The following GALNT13 variants were observed in gnomAD, a reference collection of about 807,000 sequenced individuals.
GALNT13 encodes UDP-GalNAc:polypeptide N-acetylgalactosaminyltransferase 13.
A neutral mutation model predicts 64.2 loss-of-function variants in GALNT13; 28 were observed. The observed-to-expected ratio is 0.44, with a 90% CI of 0.32 to 0.60. GALNT13 has a LOEUF of 0.60. Ranked by LOEUF, GALNT13 falls within the 20% of genes least tolerant of loss-of-function variation. The probability of loss-of-function intolerance (pLI) is 0.05; values close to 1 mark genes in which losing one functional copy is unlikely to be tolerated. For missense variants in GALNT13, 577 were observed against 669.8 expected, an observed-to-expected ratio of 0.86 and a Z score of 1.53; for synonymous variants, 214 against 224.6, an observed-to-expected ratio of 0.95 and a Z score of 0.42.
chr2:153,893,185 C>G (rs1285522091), intron 1 of GALNT13, among the ~76,000 whole-genome samples: 1 of 152,138 alleles, frequency 6.6e-6, no homozygotes, highest in Non-Finnish European at 1.5e-5. Flanking sequence ...AGATTAGACA[C>G]TGGCGAGGCA....
the GALNT13 span, among the ~76,000 whole-genome samples, chr2:153,146,024 G>A: frequency 1.3e-5 from 2 of 151,748 alleles, no homozygotes; most frequent in Non-Finnish European, 2.9e-5. Flanking sequence ...TGAGATGAAG[G>A]GAATTTCCTG....
the GALNT13 span, among the ~76,000 whole-genome samples, chr2:153,346,764 A>T: frequency 6.6e-6 from 1 of 152,216 alleles, no homozygotes; most frequent in African/African-American, 2.4e-5. Context: ...AAATGTTTTC[A>T]GTCCTCTACA....
chr2:153,676,094 A>C, the GALNT13 span, among the ~76,000 whole-genome samples: 1 of 152,142 alleles, frequency 6.6e-6, no homozygotes, highest in Non-Finnish European at 1.5e-5. Flanking sequence ...TTGAAAGATC[A>C]ACTAAGATTG....
At chr2:154,300,601 T>C (rs1693387331) in intron 8 of GALNT13, among the ~76,000 whole-genome samples, 1 of 151,778 alleles carries the variant, frequency 6.6e-6, no homozygotes, top group African/African-American at 2.4e-5. Flanking sequence ...ATGTATAGTA[T>C]TGTGTGTATG....
intron 3 of GALNT13, among the ~76,000 whole-genome samples, chr2:153,963,729 CTCTGTGTGTGTGTGTGTGTGTGTGTGTG>C (rs1489959512): frequency 6.0e-5 from 7 of 117,240 alleles, no homozygotes; most frequent in African/African-American, 2.4e-4. Context: ...CTCTCTCTCT[CTCTGTGTGTGTGTGTGTGTGTGTGTGTG>C]TGTGTGTGTG....
At chr2:153,664,700 T>G in the GALNT13 span, among the ~76,000 whole-genome samples, 2 of 152,310 alleles carry the variant, frequency 1.3e-5, no homozygotes, top group South Asian at 4.1e-4. Context: ...AAGTATTAAT[T>G]TGGGGAACTA....
chr2:153,080,903 ATTC>A, the GALNT13 span, among the ~76,000 whole-genome samples: 5 of 151,786 alleles, frequency 3.3e-5, no homozygotes, highest in East Asian at 9.7e-4. Context: ...TTTGTTTTGA[ATTC>A]TTCCTTTTCA....
the GALNT13 span, among the ~76,000 whole-genome samples, chr2:153,829,472 C>T: frequency 6.6e-6 from 1 of 152,094 alleles, no homozygotes; most frequent in African/African-American, 2.4e-5. Flanking sequence ...TTAAAATGAT[C>T]AGATCTCATG....
At chr2:154,254,152 A>C (rs1435796063) in intron 7 of GALNT13, among the ~76,000 whole-genome samples, 2 of 152,180 alleles carry the variant, frequency 1.3e-5, no homozygotes, top group Non-Finnish European at 2.9e-5. Flanking sequence ...TCAAAGAAAA[A>C]TCCAGGTGAC....
chr2:153,765,224 G>A, the GALNT13 span, among the ~76,000 whole-genome samples: 1 of 152,262 alleles, frequency 6.6e-6, no homozygotes, highest in African/African-American at 2.4e-5. Context: ...CACTGCACCT[G>A]GAAAAGCTGC....
intron 3 of GALNT13, among the ~76,000 whole-genome samples, chr2:154,099,117 CT>C (rs1396694618): frequency 6.6e-6 from 1 of 152,028 alleles, no homozygotes; most frequent in East Asian, 1.9e-4. Flanking sequence ...GCTGTTCTGA[CT>C]GGTGTAATAT....
the GALNT13 span, among the ~76,000 whole-genome samples, chr2:153,845,888 A>G: frequency 1.3e-5 from 2 of 152,164 alleles, no homozygotes; most frequent in Non-Finnish European, 2.9e-5. Flanking sequence ...AAAAAAGAAT[A>G]AACAATAAGA....
At chr2:154,337,884 A>G (rs1049391542) in intron 9 of GALNT13, among the ~76,000 whole-genome samples, 2 of 152,060 alleles carry the variant, frequency 1.3e-5, no homozygotes, top group African/African-American at 4.8e-5. Flanking sequence ...AAGCTCATTT[A>G]TATTAGTAAA....
chr2:153,879,156 A>G (rs533361949), intron 1 of GALNT13, among the ~76,000 whole-genome samples: 21 of 152,274 alleles, frequency 1.4e-4, no homozygotes, highest in Admixed American at 8.5e-4. Flanking sequence ...AGCAATTACT[A>G]TGCCCCAGAG....
intron 2 of GALNT13, among the ~76,000 whole-genome samples, chr2:153,912,761 A>T (rs1689046899): frequency 2.0e-5 from 3 of 152,142 alleles, no homozygotes; most frequent in Admixed American, 2.0e-4. Context: ...CTGGCCCCTC[A>T]TGGTTAGGAA....
chr2:153,223,873 G>A, the GALNT13 span, among the ~76,000 whole-genome samples: 1 of 152,144 alleles, frequency 6.6e-6, no homozygotes, highest in African/African-American at 2.4e-5. Flanking sequence ...AGGAGGCTGA[G>A]GCAGTAGAAT....
the GALNT13 span, among the ~76,000 whole-genome samples, chr2:153,682,613 T>A: frequency 6.6e-6 from 1 of 151,812 alleles, no homozygotes; most frequent in Non-Finnish European, 1.5e-5. Context: ...CATCAATGAT[T>A]ACATAAGAGC....
At chr2:153,655,268 T>C in the GALNT13 span, among the ~76,000 whole-genome samples, 14 of 152,122 alleles carry the variant, frequency 9.2e-5, no homozygotes, top group Non-Finnish European at 1.8e-4. Context: ...TGTGTTTTCA[T>C]TGATAGAATG....
the GALNT13 span, among the ~76,000 whole-genome samples, chr2:153,389,601 A>G: frequency 3.3e-5 from 5 of 152,130 alleles, no homozygotes; most frequent in African/African-American, 4.8e-5. Context: ...TTTAAGAATG[A>G]AAGAATGCCC....
Sources: gnomAD v4.1 joint callset for allele counts (sites outside exome capture counted in the v4.1 genomes callset) on GRCh38, gnomAD v4.1.1 for gene constraint, MANE v1.5 for transcripts, NCBI Gene and HGNC (gene_info 2026-07-23, HGNC 2026-07-21) for gene names.